CIDEC: variants seen among roughly 807,000 people sequenced by gnomAD.
The protein encoded by CIDEC is cell death inducing DFFA like effector c, also known as lipid transferase CIDEC.
CIDEC carries 11 observed loss-of-function variants against 21.9 expected under a neutral mutation model. That is an observed-to-expected ratio of 0.50 (90% confidence interval 0.32 to 0.83). The LOEUF (loss-of-function observed/expected upper bound fraction) is 0.83, where lower values mean the gene tolerates loss of function less well. CIDEC is among the 40% of genes least tolerant of loss of function. The pLI is 0.04. For missense variants in CIDEC, 302 were observed against 302.3 expected (o/e 1.00, Z 0.01); for synonymous variants, 127 against 124.9 (o/e 1.02, Z -0.11).
intron 1 of CIDEC, 107 bp from the exon 2 acceptor site, chr3:9,879,161 AT>A (rs56881276): frequency 2.8e-3 from 405 of 145,368 alleles, no homozygotes; most frequent in Middle Eastern, 7.0e-3. Flanking sequence ...CAGGAGCTGA[AT>A]TTTTTTTTTT....
chr3:9,874,508 C>G (rs1460413477), intron 4 of CIDEC, among the ~76,000 whole-genome samples: 1 of 134,700 alleles, frequency 7.4e-6, no homozygotes, highest in Non-Finnish European at 1.6e-5. Flanking sequence ...GGAGCGAGAC[C>G]CTTTCTCTAA....
At position 9,877,089 on chromosome 3, in the gene CIDEC, T is replaced by C. The variant is rs1368795028; in HGVS notation, c.184A>G (p.Ser62Gly). The C allele has an allele frequency of 1.3e-6, 2 of 1,553,226 alleles. No homozygotes were observed. The highest frequency in any genetic ancestry group is 1.7e-6 in the Non-Finnish European group (2 of 1,147,788). Residue 62 changes from serine to glycine, a missense_variant, in exon 4 of 7, where the codon AGT (serine) becomes GGT (glycine). Coordinates refer to ENST00000336832, the MANE Select transcript of CIDEC (RefSeq NM_001321142.2). ...RSVRKGIMAY[S>G]LEDLLLKVRD... ...ACCTTGAGGAGGAGGTCCTCAAGAC[T>C]GTAAGCCATGATGCCCTTCCTCACG...
intron 2 of CIDEC, 143 bp from the exon 3 acceptor site, chr3:9,878,654 C>T: frequency 1.6e-6 from 2 of 1,284,394 alleles, no homozygotes; most frequent in Non-Finnish European, 2.2e-6. Flanking sequence ...CCTCCCCCAG[C>T]CCTTCTCCTG....
In CIDEC at chr3:9,870,366, T is replaced by G. The variant is rs1166660161; in HGVS notation, c.208-44A>C. 5.6e-6 allele frequency: 9 copies of G among 1,605,854 alleles called. No individual in the cohort carries two copies. The African/African-American group carries it at 1.2e-4, about 21-fold the overall frequency. On this transcript the variant is annotated intron_variant, in intron 4 of 6. Coordinates refer to ENST00000336832, the MANE Select transcript of CIDEC (RefSeq NM_001321142.2). ...GATGCTTCTGCCATCCCAGAACAAG[T>G]GGGCTGGACTCTATGAGGTGGAACT...
intron 4 of CIDEC, among the ~76,000 whole-genome samples, chr3:9,870,729 T>C (rs1347623138): frequency 6.6e-6 from 1 of 152,134 alleles, no homozygotes; most frequent in Non-Finnish European, 1.5e-5. Context: ...AGCCTCCAAC[T>C]CTTGGGCACA....
At position 9,877,222 on chromosome 3, in the gene CIDEC, G is replaced by C; in HGVS notation, c.54-3C>G. 2 of 1,549,946 alleles carry C rather than the reference G, an allele frequency of 1.3e-6. No homozygotes were observed. The highest frequency in any genetic ancestry group is 1.7e-6 in the Non-Finnish European group (2 of 1,146,964). The stretch of plus-strand genomic sequence containing the variant: ...CAGAGGTACGCACTGACACATGCCT[G>C]GGGCAGTTGAAGCATCAGGGTGAGC... On this transcript the variant is annotated splice_region_variant and splice_polypyrimidine_tract_variant and intron_variant, in intron 3 of 6. Transcript: ENST00000336832.
Position 9,879,065 on chromosome 3 carries a change from A to G in CIDEC, c.-138-11T>C. 1.8e-6 allele frequency: 1 copy of G among 566,528 alleles called. No individual in the cohort carries two copies. Among genetic ancestry groups the G allele is most frequent in the South Asian group, 2.1e-5 (1 of 47,424 alleles). The allele number at this position is 566,528 out of a possible 1,614,324, so 35.1% of individuals were successfully genotyped here. Reference sequence around the variant, plus strand: ...GGCCAAAAGAACATTCTGTGATGATAGAGGCATGCCTTGTACATACTCTCC... The same window carrying G: ...GGCCAAAAGAACATTCTGTGATGATGGAGGCATGCCTTGTACATACTCTCC... On this transcript the variant is annotated splice_polypyrimidine_tract_variant and intron_variant, in intron 1 of 6. Transcript: ENST00000336832.
chr3:9,875,013 A>C (rs1623228), intron 4 of CIDEC, among the ~76,000 whole-genome samples: 2 of 152,168 alleles, frequency 1.3e-5, no homozygotes, highest in East Asian at 3.9e-4. Flanking sequence ...GATTACAAGC[A>C]TGAGCCACTA....
intron 6 of CIDEC, among the ~76,000 whole-genome samples, chr3:9,867,931 AAAAT>A (rs750226583): frequency 3.1e-4 from 47 of 152,272 alleles, no homozygotes; most frequent in Non-Finnish European, 5.7e-4. Context: ...CTCTGTCTCA[AAAAT>A]AAATAAATAC....
chr3:9,880,083 G>A (rs2082484273), intron 1 of CIDEC, 141 bp downstream of exon 1: 1 of 152,144 alleles, frequency 6.6e-6, no homozygotes, highest in South Asian at 2.1e-4. Context: ...CTACGTGGGA[G>A]GCTGAGGCAG....
chr3:9,870,786 C>T lies in CIDEC; in HGVS notation c.208-464G>A, dbSNP rs144485228. On this transcript the variant is annotated intron_variant, in intron 4 of 6. Transcript: ENST00000336832. The stretch of plus-strand genomic sequence containing the variant: ...TCCCGAGTAGCTGGGACTACAGTTG[C>T]ATGCCATTACTACCTGCCTAATGTT... 6.1e-4 allele frequency among the ~76,000 whole-genome samples: 93 copies of T among 152,094 alleles called. 1 individual carries two copies. The highest frequency in any genetic ancestry group is 1.7e-3 in the South Asian group (8 of 4,806).
chr3:9,868,074 A>G (rs913959812), intron 6 of CIDEC, among the ~76,000 whole-genome samples: 1 of 152,236 alleles, frequency 6.6e-6, no homozygotes, highest in African/African-American at 2.4e-5. Flanking sequence ...AGGTGGTAGC[A>G]CTAAAAGCAT....
intron 1 of CIDEC, 119 bp downstream of exon 1, chr3:9,880,104 CT>C (rs2082484632): frequency 6.6e-6 from 1 of 151,976 alleles, no homozygotes; most frequent in Non-Finnish European, 1.5e-5. Flanking sequence ...GAGGATTCTG[CT>C]TGCCTCAGCC....
At chr3:9,879,237 C>A (rs148136901) in intron 1 of CIDEC, among the ~76,000 whole-genome samples, 183 bp from the exon 2 acceptor site, 1 of 150,492 alleles carries the variant, frequency 6.6e-6, no homozygotes, top group East Asian at 2.0e-4. Flanking sequence ...CTACAACCTC[C>A]GCCTCCTGGG....
chr3:9,867,145 T>A lies in CIDEC; in HGVS notation c.706A>T (p.Ile236Leu). 1.2e-6 allele frequency: 2 copies of A among 1,613,444 alleles called. No individual in the cohort carries two copies. Among genetic ancestry groups the A allele is most frequent in the Non-Finnish European group, 1.7e-6 (2 of 1,180,042 alleles). Residue 236 changes from isoleucine to leucine, a missense_variant, in exon 7 of 7, where the codon ATA (isoleucine) becomes TTA (leucine). Ile to Leu is a conservative substitution (Grantham distance 5). Transcript: ENST00000336832. ...AAGGACTTGGGCTTTCACTGCAGTA[T>A]CTTCAGACAGGTCGGGATAAGGGAT... Reference protein sequence around the residue: ...ASSLIPTCLKILQ With the variant: ...ASSLIPTCLKLLQ
chr3:9,878,292 C>T (rs754440049), intron 3 of CIDEC, 142 bp downstream of exon 3: 11 of 726,106 alleles, frequency 1.5e-5, no homozygotes, highest in East Asian at 2.6e-5. Flanking sequence ...TGCAAAATCT[C>T]GGGTCCCACT....
intron 4 of CIDEC, among the ~76,000 whole-genome samples, chr3:9,872,151 G>C (rs975939062): frequency 3.3e-5 from 5 of 150,696 alleles, no homozygotes; most frequent in South Asian, 2.1e-4. Flanking sequence ...ATTTTAATTT[G>C]CATTCCCCTA....
intron 3 of CIDEC, chr3:9,878,232 G>A (rs1478331795): frequency 1.6e-6 from 1 of 616,938 alleles, no homozygotes; most frequent in Non-Finnish European, 3.0e-6. Context: ...TGCATGGTGT[G>A]GTGGTGGTGT....
intron 6 of CIDEC, among the ~76,000 whole-genome samples, chr3:9,868,339 A>G (rs1157653538): frequency 6.6e-6 from 1 of 152,242 alleles, no homozygotes; most frequent in Non-Finnish European, 1.5e-5. Flanking sequence ...AGCCACCTGC[A>G]GTCTAGCTCA....
Sources: gnomAD v4.1 joint callset for allele counts (sites outside exome capture counted in the v4.1 genomes callset) on GRCh38, gnomAD v4.1.1 for gene constraint, MANE v1.5 for transcripts, NCBI Gene and HGNC (gene_info 2026-07-23, HGNC 2026-07-21) for gene names.